PCDH15: variants seen among roughly 807,000 people sequenced by gnomAD.
The protein encoded by PCDH15 is protocadherin-15.
A neutral mutation model predicts 178.5 loss-of-function variants in PCDH15; 129 were observed. The observed-to-expected ratio is 0.72, with a 90% CI of 0.63 to 0.84. The LOEUF (loss-of-function observed/expected upper bound fraction) is 0.84. Ranked by LOEUF, PCDH15 falls within the 40% of genes least tolerant of loss-of-function variation. The pLI is 0.00. For missense variants in PCDH15, 2,230 were observed against 2,099.9 expected (o/e 1.06, Z -1.21); for synonymous variants, 800 against 732.0 (o/e 1.09, Z -1.50).
chr10:54,728,525 G>T (rs767562420), intron 1 of PCDH15, among the ~76,000 whole-genome samples: 3 of 151,066 alleles, frequency 2.0e-5, no homozygotes, highest in Non-Finnish European at 3.0e-5. Flanking sequence ...TTGAGAACTG[G>T]AACAAGACAA....
chr10:54,239,432 T>TATATATATAGAGAGAGAGAGAGAGAGAG (rs1554853331), intron 8 of PCDH15, among the ~76,000 whole-genome samples: 2 of 150,560 alleles, frequency 1.3e-5, no homozygotes, highest in African/African-American at 4.9e-5. Flanking sequence ...TATATATATA[T>TATATATATAGAGAGAGAGAGAGAGAGAG]AGAGTAAGAA....
intron 9 of PCDH15, among the ~76,000 whole-genome samples, chr10:54,219,364 G>A (rs1243946462): frequency 1.3e-5 from 2 of 150,662 alleles, no homozygotes; most frequent in Non-Finnish European, 3.0e-5. Context: ...GCCGAGACGG[G>A]CAGATCACCA....
At chr10:53,992,158 C>T (rs1342567440) in intron 21 of PCDH15, among the ~76,000 whole-genome samples, 1 of 152,070 alleles carries the variant, frequency 6.6e-6, no homozygotes, top group East Asian at 1.9e-4. Context: ...GGAACAACTC[C>T]AGACGTGCTG....
chr10:55,532,606 AC>A (rs562928793), intron 2 of PCDH15, among the ~76,000 whole-genome samples: 202 of 152,150 alleles, frequency 1.3e-3, no homozygotes, highest in African/African-American at 4.7e-3. Flanking sequence ...AAAAGTATAA[AC>A]CCAGATATGC....
chr10:55,090,007 A>G (rs1235775805), intron 2 of PCDH15, among the ~76,000 whole-genome samples: 5 of 152,102 alleles, frequency 3.3e-5, no homozygotes, highest in Admixed American at 2.6e-4. Flanking sequence ...AACTTGTTAG[A>G]GGCTAAAATA....
chr10:55,130,801 T>A (rs914832370), intron 2 of PCDH15, among the ~76,000 whole-genome samples: 8 of 151,728 alleles, frequency 5.3e-5, no homozygotes, highest in Admixed American at 5.3e-4. Flanking sequence ...AACATTGTAC[T>A]AATTGATAGC....
chr10:54,327,694 A>G (rs1263470918), intron 7 of PCDH15, among the ~76,000 whole-genome samples: 1 of 151,934 alleles, frequency 6.6e-6, no homozygotes. Flanking sequence ...TCTTCAGAAC[A>G]GCTAATTGAG....
At chr10:55,424,465 TTAAC>T (rs1156260461) in intron 2 of PCDH15, among the ~76,000 whole-genome samples, 1 of 152,174 alleles carries the variant, frequency 6.6e-6, no homozygotes, top group Non-Finnish European at 1.5e-5. Context: ...CAAATATTAA[TTAAC>T]TAAATAGCCC....
At chr10:54,099,699 T>C (rs1029454957) in intron 15 of PCDH15, among the ~76,000 whole-genome samples, 2 of 151,696 alleles carry the variant, frequency 1.3e-5, no homozygotes, top group Non-Finnish European at 2.9e-5. Context: ...AAAGCATTAA[T>C]TTGATGCCCA....
At chr10:55,232,196 A>G (rs34552290) in intron 1 of PCDH15, among the ~76,000 whole-genome samples, 39,249 of 151,658 alleles carry the variant, frequency 0.26, 5,344 homozygotes, top group Middle Eastern at 0.34. Context: ...TTTTTTTAAT[A>G]TAAGGACTCA....
At chr10:54,097,415 T>C (rs2094720419) in intron 15 of PCDH15, among the ~76,000 whole-genome samples, 1 of 152,220 alleles carries the variant, frequency 6.6e-6, no homozygotes, top group South Asian at 2.1e-4. Flanking sequence ...GATACAACCA[T>C]GGCTCATCCT....
At chr10:54,113,718 G>A (rs899183399) in intron 15 of PCDH15, among the ~76,000 whole-genome samples, 1 of 151,842 alleles carries the variant, frequency 6.6e-6, no homozygotes, top group Non-Finnish European at 1.5e-5. Context: ...TGTTGGGACA[G>A]CAACAATTCT....
intron 2 of PCDH15, chr10:54,607,983 C>A (rs370277947): frequency 2.1e-5 from 10 of 485,536 alleles, no homozygotes; most frequent in Non-Finnish European, 3.6e-5. Flanking sequence ...AAAGGCTTTG[C>A]CTACATCATT....
intron 1 of PCDH15, among the ~76,000 whole-genome samples, chr10:54,730,450 T>C (rs1046572540): frequency 6.6e-6 from 1 of 151,498 alleles, no homozygotes; most frequent in Non-Finnish European, 1.5e-5. Flanking sequence ...AGTACTATGC[T>C]CATTACCCAA....
At chr10:54,922,579 A>G (rs575184061) in intron 2 of PCDH15, among the ~76,000 whole-genome samples, 122 of 152,208 alleles carry the variant, frequency 8.0e-4, no homozygotes, top group African/African-American at 2.8e-3. Flanking sequence ...ATTGTGTTTT[A>G]TAATGTGAGA....
intron 3 of PCDH15, among the ~76,000 whole-genome samples, chr10:54,524,172 G>T (rs2083154361): frequency 6.6e-6 from 1 of 152,170 alleles, no homozygotes; most frequent in Non-Finnish European, 1.5e-5. Context: ...ATCCTTGGTT[G>T]ATGTTGCTTT....
At chr10:54,724,505 G>T (rs1455419685) in intron 1 of PCDH15, among the ~76,000 whole-genome samples, 1 of 151,162 alleles carries the variant, frequency 6.6e-6, no homozygotes, top group Non-Finnish European at 1.5e-5. Context: ...TAACAAATAT[G>T]CATATATACC....
chr10:54,579,752 C>T (rs2090860090), intron 2 of PCDH15, among the ~76,000 whole-genome samples: 1 of 151,802 alleles, frequency 6.6e-6, no homozygotes, highest in Non-Finnish European at 1.5e-5. Context: ...TCTCAATAAA[C>T]ACAAAAAATT....
At chr10:55,015,574 C>A (rs541729329) in intron 2 of PCDH15, among the ~76,000 whole-genome samples, 1 of 152,048 alleles carries the variant, frequency 6.6e-6, no homozygotes, top group Non-Finnish European at 1.5e-5. Context: ...TATGGTCAAC[C>A]GTTACTGACA....
Sources: allele counts gnomAD v4.1 joint callset (sites outside exome capture counted in the v4.1 genomes callset), GRCh38; gene constraint gnomAD v4.1.1; transcripts MANE v1.5; gene names NCBI Gene and HGNC (gene_info 2026-07-23, HGNC 2026-07-21).